DMD: variants seen among roughly 807,000 people sequenced by gnomAD.
The protein encoded by DMD is dystrophin, also known as mutant dystrophin.
Under a neutral mutation model 330.1 loss-of-function variants are expected in DMD, and 63 were observed. The ratio of observed to expected loss-of-function variants is 0.19; its 90% CI spans 0.16 to 0.24. DMD has a LOEUF of 0.24. DMD is among the 10% of genes least tolerant of loss of function. DMD has a pLI of 1.00. For missense variants in DMD, 3,344 were observed against 2,684.1 expected (o/e 1.25, Z -5.43); for synonymous variants, 1,223 against 959.8 (o/e 1.27, Z -5.07).
chrX:33,127,402 C>A (rs2095471564), intron 1 of DMD, among the ~76,000 whole-genome samples: 1 of 110,413 alleles, frequency 9.1e-6, no homozygotes, highest in South Asian at 3.8e-4. Flanking sequence ...TAGAAGCTAC[C>A]ATTTAATAAT....
chrX:31,586,127 C>T lies in DMD; in HGVS notation c.8217+41546G>A, dbSNP rs147558348. 7.5e-4 allele frequency among the ~76,000 whole-genome samples: 84 copies of T among 111,470 alleles called. No homozygotes were observed. In the South Asian group the frequency reaches 0.011, roughly 15 times the overall value. On this transcript the variant is annotated intron_variant, in intron 55 of 78. Transcript: ENST00000357033. ...TAGTAGCTTTGATGCATGTTCAAGT[C>T]GGCCCTAAAGTGTTGGATTTATAAC...
intron 17 of DMD, among the ~76,000 whole-genome samples, chrX:32,543,592 A>G (rs191790120): frequency 8.9e-6 from 1 of 112,389 alleles, no homozygotes; most frequent in Non-Finnish European, 1.9e-5. Context: ...TGTGACAACA[A>G]ACAAGTTAAT....
At chrX:32,622,766 C>T (rs2058081882) in intron 11 of DMD, among the ~76,000 whole-genome samples, 1 of 110,778 alleles carries the variant, frequency 9.0e-6, no homozygotes, top group Non-Finnish European at 1.9e-5. Flanking sequence ...GATTTGGTGC[C>T]CCCCGGGGTC....
chrX:31,469,038 C>A (rs367693734), intron 59 of DMD, among the ~76,000 whole-genome samples: 256 of 110,256 alleles, frequency 2.3e-3, no homozygotes, highest in African/African-American at 8.0e-3. Flanking sequence ...TTCATCGATC[C>A]CTTTATTTTG....
chrX:32,406,190 A>C (rs1418642175), intron 30 of DMD, among the ~76,000 whole-genome samples: 8 of 111,553 alleles, frequency 7.2e-5, no homozygotes, highest in Non-Finnish European at 1.3e-4. Context: ...CAATCATGTC[A>C]TCTGCAAACA....
At chrX:32,220,245 T>A (rs1176468042) in intron 43 of DMD, among the ~76,000 whole-genome samples, 1 of 111,639 alleles carries the variant, frequency 9.0e-6, no homozygotes, top group Non-Finnish European at 1.9e-5. Flanking sequence ...TAATCCAAAC[T>A]TTTGCATCCT....
At chrX:32,730,905 G>C (rs770719659) in intron 7 of DMD, among the ~76,000 whole-genome samples, 2 of 111,615 alleles carry the variant, frequency 1.8e-5, no homozygotes, top group Non-Finnish European at 3.8e-5. Context: ...TTGAGAGGAG[G>C]AGCCAAGATG....
At chrX:31,706,118 G>T (rs1425487969) in intron 52 of DMD, among the ~76,000 whole-genome samples, 3 of 96,825 alleles carry the variant, frequency 3.1e-5, no homozygotes, top group Non-Finnish European at 6.1e-5. Context: ...GAAAATGATA[G>T]AAATGCTTGT....
intron 1 of DMD, among the ~76,000 whole-genome samples, chrX:33,292,980 GTC>G (rs1303237938): frequency 2.7e-5 from 3 of 110,590 alleles, no homozygotes; most frequent in Non-Finnish European, 5.7e-5. Context: ...ACATGTATAG[GTC>G]TGTCTATTAT....
rs1423973103 is a variant in DMD at position 31,317,467 on chromosome X, C to T, written c.9224+6131G>A. The stretch of plus-strand genomic sequence containing the variant: ...AAACCCAATGTCAGAAGACTTGTAT[C>T]ATTCTTAGAAGAGTGAGGTGTCTGG... On this transcript the variant is annotated intron_variant, in intron 62 of 78. Transcript: ENST00000357033. Among the ~76,000 whole-genome samples the T allele has an allele frequency of 5.5e-5, 6 of 109,210 alleles. 1 individual carries two copies. Among genetic ancestry groups the T allele is most frequent in the Admixed American group, 4.9e-4 (5 of 10,216 alleles). The allele number at this position is 109,210 out of a possible 115,157, so 94.8% of individuals were successfully genotyped here.
In DMD at chrX:32,454,792, T is replaced by C; in HGVS notation, c.3473A>G (p.Lys1158Arg). Residue 1158 changes from lysine (K) to arginine (R), a missense_variant, in exon 26 of 79, where the codon AAA (lysine) becomes AGA (arginine). Physicochemically the swap from Lys to Arg is conservative, Grantham distance 26 (BLOSUM62 2). Coordinates refer to ENST00000357033, the MANE Select transcript of DMD (RefSeq NM_004006.3). ...RKEALKGGLE[K>R]TVSLQKDLSE... ...TAGATCTTTCTGGAGGCTTACAGTT[T>C]TCTCCAAACCTCCCTTCAAGGCCTC... 2 of 1,208,042 alleles carry C rather than the reference T, an allele frequency of 1.7e-6. No individual in the cohort carries two copies.
intron 4 of DMD, among the ~76,000 whole-genome samples, chrX:32,840,076 C>T (rs1439585786): frequency 1.8e-5 from 2 of 112,031 alleles, no homozygotes; most frequent in East Asian, 5.6e-4. Context: ...TCCTTTGTTC[C>T]AAGTTTGGTT....
chrX:31,690,502 C>T (rs1166671138), intron 52 of DMD, among the ~76,000 whole-genome samples: 1 of 111,966 alleles, frequency 8.9e-6, no homozygotes, highest in Non-Finnish European at 1.9e-5. Flanking sequence ...GAAATAGGAA[C>T]ACTTTACACT....
chrX:32,976,503 T>C (rs1265265025), intron 2 of DMD, among the ~76,000 whole-genome samples: 6 of 112,014 alleles, frequency 5.4e-5, no homozygotes, highest in African/African-American at 1.9e-4. Flanking sequence ...AGTCTTTATA[T>C]GCACTGCATT....
intron 43 of DMD, among the ~76,000 whole-genome samples, chrX:32,247,360 C>G (rs2097244136): frequency 8.9e-6 from 1 of 111,880 alleles, no homozygotes; most frequent in African/African-American, 3.2e-5. Flanking sequence ...TTAAATAGCA[C>G]AATCTATTAT....
chrX:33,073,789 A>G (rs1218723762), intron 1 of DMD, among the ~76,000 whole-genome samples: 2 of 109,481 alleles, frequency 1.8e-5, no homozygotes, highest in Admixed American at 2.0e-4. Flanking sequence ...CCGAGATCGC[A>G]TCACCGCACT....
intron 9 of DMD, among the ~76,000 whole-genome samples, chrX:32,656,251 C>T (rs991929807): frequency 1.2e-4 from 13 of 111,649 alleles, no homozygotes; most frequent in African/African-American, 3.9e-4. Flanking sequence ...TCCTGAAGGT[C>T]GTGATACACA....
chrX:32,626,536 T>C (rs1376098048), intron 11 of DMD, among the ~76,000 whole-genome samples: 2 of 105,141 alleles, frequency 1.9e-5, no homozygotes, highest in Non-Finnish European at 3.8e-5. Flanking sequence ...TATAGATAGA[T>C]TAGTTTTGGT....
At chrX:31,260,084 T>A (rs1265241589) in intron 63 of DMD, among the ~76,000 whole-genome samples, 1 of 110,848 alleles carries the variant, frequency 9.0e-6, no homozygotes, top group Non-Finnish European at 1.9e-5. Flanking sequence ...AAAAATAAAT[T>A]TTAAAAATGA....
Sources: gnomAD v4.1 joint callset for allele counts (sites outside exome capture counted in the v4.1 genomes callset) on GRCh38, gnomAD v4.1.1 for gene constraint, MANE v1.5 for transcripts, NCBI Gene and HGNC (gene_info 2026-07-23, HGNC 2026-07-21) for gene names.